The following CNTN3 variants were observed in gnomAD, a reference collection of about 807,000 sequenced individuals.
CNTN3 encodes the protein contactin-3.
CNTN3 carries 60 observed loss-of-function variants against 119.1 expected under a neutral mutation model. The ratio of observed to expected loss-of-function variants is 0.50; its 90% CI spans 0.41 to 0.62. The LOEUF is 0.62. CNTN3 is among the 20% of genes least tolerant of loss of function. CNTN3 has a pLI of 0.00. For missense variants in CNTN3, 1,101 were observed against 1,242.4 expected, an observed-to-expected ratio of 0.89 and a Z score of 1.71; for synonymous variants, 450 against 438.7, an observed-to-expected ratio of 1.03 and a Z score of -0.32.
chr3:74,478,945 T>C (rs1246843513), intron 4 of CNTN3, among the ~76,000 whole-genome samples: 2 of 152,080 alleles, frequency 1.3e-5, no homozygotes, highest in East Asian at 1.9e-4. Context: ...AAATTTCAAA[T>C]ATAAAAGTCT....
At position 74,375,785 on chromosome 3, in the gene CNTN3, C is replaced by A. The variant is rs1218554966; in HGVS notation, c.455-4386G>T. Among the ~76,000 whole-genome samples the A allele has an allele frequency of 2.6e-5, 4 of 152,284 alleles. No individual in the cohort carries two copies. In the East Asian group the frequency reaches 5.8e-4, roughly 22 times the overall value. On this transcript the variant is annotated intron_variant, in intron 5 of 22. Coordinates refer to ENST00000263665, the MANE Select transcript of CNTN3 (RefSeq NM_020872.3). ...AACTCCATAAGCAACATAGGCCTGC[C>A]AATTTCTTGATTTTTAGCCAAGTGA...
intron 1 of CNTN3, among the ~76,000 whole-genome samples, chr3:74,598,653 A>T (rs549111803): frequency 2.0e-5 from 3 of 152,032 alleles, no homozygotes; most frequent in Non-Finnish European, 4.4e-5. Flanking sequence ...ATAGTAAGAA[A>T]TTCATACTAA....
At chr3:74,348,520 G>A (rs1009861997) in intron 11 of CNTN3, among the ~76,000 whole-genome samples, 2 of 152,160 alleles carry the variant, frequency 1.3e-5, no homozygotes, top group East Asian at 1.9e-4. Context: ...AGCTGCCCTA[G>A]GTAGGCATTA....
chr3:74,487,786 T>C (rs1702885412), intron 3 of CNTN3, among the ~76,000 whole-genome samples: 1 of 152,040 alleles, frequency 6.6e-6, no homozygotes, highest in African/African-American at 2.4e-5. Context: ...TAAAGTTAAA[T>C]GGAATATTAC....
intron 5 of CNTN3, among the ~76,000 whole-genome samples, chr3:74,390,947 C>T (rs1315850655): frequency 1.3e-5 from 2 of 152,026 alleles, no homozygotes; most frequent in East Asian, 1.9e-4. Context: ...GTTTTTCTGC[C>T]GCTACTCTAT....
chr3:74,393,511 G>A (rs556331212), intron 5 of CNTN3, among the ~76,000 whole-genome samples: 4 of 152,298 alleles, frequency 2.6e-5, no homozygotes, highest in African/African-American at 9.6e-5. Flanking sequence ...TTTGCAGAGG[G>A]AGTGTTATTA....
At chr3:74,599,626 C>T (rs146470550) in intron 1 of CNTN3, among the ~76,000 whole-genome samples, 47 of 152,116 alleles carry the variant, frequency 3.1e-4, no homozygotes, top group African/African-American at 1.0e-3. Flanking sequence ...ACCTGACAGG[C>T]GGCAGAGCTC....
chr3:74,517,181 C>G (rs1260775490), intron 2 of CNTN3, among the ~76,000 whole-genome samples: 1 of 152,034 alleles, frequency 6.6e-6, no homozygotes, highest in Middle Eastern at 3.4e-3. Context: ...CTTCAAGATA[C>G]CCACCTTTTT....
At chr3:74,545,089 G>C (rs921824328) in intron 1 of CNTN3, among the ~76,000 whole-genome samples, 1 of 152,132 alleles carries the variant, frequency 6.6e-6, no homozygotes, top group Non-Finnish European at 1.5e-5. Context: ...GTATTAGGTT[G>C]GGGTTTAGGC....
intron 1 of CNTN3, among the ~76,000 whole-genome samples, chr3:74,551,563 T>C (rs1559654687): frequency 6.6e-6 from 1 of 151,928 alleles, no homozygotes; most frequent in East Asian, 1.9e-4. Flanking sequence ...GTATCCACCA[T>C]TACAGTAACA....
At chr3:74,305,591 A>T (rs576684235) in intron 13 of CNTN3, among the ~76,000 whole-genome samples, 5 of 152,190 alleles carry the variant, frequency 3.3e-5, no homozygotes, top group South Asian at 2.1e-4. Flanking sequence ...CTGCAACTAC[A>T]CAGATCAACA....
chr3:74,428,139 A>G (rs138538395), intron 4 of CNTN3, among the ~76,000 whole-genome samples: 2,072 of 152,296 alleles, frequency 0.014, 22 homozygotes, highest in Admixed American at 0.019. Context: ...CAGTCATATA[A>G]AAGTTTTGCA....
chr3:74,363,716 A>T (rs1327707679), intron 10 of CNTN3, among the ~76,000 whole-genome samples: 4 of 152,108 alleles, frequency 2.6e-5, no homozygotes, highest in Non-Finnish European at 4.4e-5. Flanking sequence ...GAAACATCAT[A>T]TAGAACCTGA....
chr3:74,464,653 T>C (rs1451013525), intron 4 of CNTN3, among the ~76,000 whole-genome samples: 5 of 152,188 alleles, frequency 3.3e-5, no homozygotes, highest in Non-Finnish European at 4.4e-5. Context: ...ATCCATATTA[T>C]ATAGTTATGA....
In CNTN3 at chr3:74,297,996, G is replaced by T; in HGVS notation, c.2362C>A (p.Pro788Thr). 1 of 1,613,854 alleles carries T rather than the reference G, an allele frequency of 6.2e-7. No individual in the cohort carries two copies. Among genetic ancestry groups the T allele is most frequent in the Non-Finnish European group, 8.5e-7 (1 of 1,179,850 alleles). ...AACACTGTTGTCACTGGGCTAAATG[G>T]TCCTTCACCTTTGTTATTATAAACA... is the stretch of plus-strand genomic sequence containing the variant. ...VGVYNNKGEG[P>T]FSPVTTVFSA... is the part of the protein sequence containing the mutation. Residue 788 changes from proline to threonine, a missense_variant, in exon 18 of 23, where the codon CCA (proline) becomes ACA (threonine). By Grantham distance (38) the Pro-to-Thr change is conservative. Transcript: ENST00000263665.
chr3:74,368,616 G>A (rs1704256834), intron 8 of CNTN3, among the ~76,000 whole-genome samples: 2 of 151,870 alleles, frequency 1.3e-5, no homozygotes, highest in Admixed American at 1.3e-4. Flanking sequence ...CTAAATAAAG[G>A]TGACATTATT....
intron 1 of CNTN3, among the ~76,000 whole-genome samples, chr3:74,599,511 T>A (rs984745159): frequency 6.6e-6 from 1 of 152,012 alleles, no homozygotes; most frequent in African/African-American, 2.4e-5. Context: ...CCAACTCAGA[T>A]CATCAGGCAT....
intron 4 of CNTN3, among the ~76,000 whole-genome samples, chr3:74,460,586 A>G (rs567966526): frequency 1.1e-4 from 16 of 151,608 alleles, no homozygotes; most frequent in Non-Finnish European, 1.5e-4. Context: ...GGTTTCCATC[A>G]GTTCATTATC....
At chr3:74,538,176 G>C (rs939569112) in intron 1 of CNTN3, among the ~76,000 whole-genome samples, 1 of 152,106 alleles carries the variant, frequency 6.6e-6, no homozygotes, top group Non-Finnish European at 1.5e-5. Flanking sequence ...AGTTGCATTT[G>C]AGATCCCTAA....
Sources: gnomAD v4.1 joint callset for allele counts (sites outside exome capture counted in the v4.1 genomes callset) on GRCh38, gnomAD v4.1.1 for gene constraint, MANE v1.5 for transcripts, NCBI Gene and HGNC (gene_info 2026-07-23, HGNC 2026-07-21) for gene names.